RASA2: variants seen among roughly 807,000 people sequenced by gnomAD.
RASA2 encodes the protein RAS p21 protein activator 2, also known as ras GTPase-activating protein 2.
Under a neutral mutation model 118.2 loss-of-function variants are expected in RASA2, and 155 were observed. That is an observed-to-expected ratio of 1.31 (90% confidence interval 1.15 to 1.50). The LOEUF is 1.50. Among genes scored for constraint, RASA2 ranks in the 40% most tolerant of loss-of-function variants. The pLI is 0.00. For synonymous variants in RASA2, 353 were observed against 349.1 expected (o/e 1.01, Z -0.12); for missense variants, 1,016 against 1,009.6 (o/e 1.01, Z -0.09).
At chr3:141,605,960 C>CTGCA (rs1357958966) in intron 19 of RASA2, among the ~76,000 whole-genome samples, 1 of 152,150 alleles carries the variant, frequency 6.6e-6, no homozygotes, top group African/African-American at 2.4e-5. Flanking sequence ...TTGCACTGCT[C>CTGCA]TGCAGCCCAG....
intron 1 of RASA2, among the ~76,000 whole-genome samples, chr3:141,498,575 C>G (rs1047449073): frequency 6.6e-6 from 1 of 152,032 alleles, no homozygotes; most frequent in African/African-American, 2.4e-5. Flanking sequence ...CACATACATA[C>G]ACACACACAG....
At chr3:141,572,843 C>T (rs1260465507) in intron 12 of RASA2, 120 bp downstream of exon 12, 3 of 812,390 alleles carry the variant, frequency 3.7e-6, no homozygotes, top group Non-Finnish European at 3.8e-6. Context: ...ATAGACTGAA[C>T]ACTTTAGAAG....
chr3:141,568,076 C>T (rs1391697458), intron 9 of RASA2, among the ~76,000 whole-genome samples: 1 of 152,088 alleles, frequency 6.6e-6, no homozygotes, highest in Non-Finnish European at 1.5e-5. Flanking sequence ...TTTTAAGTTA[C>T]TTATGGCCTA....
chr3:141,573,632 A>G (rs2082959375), intron 13 of RASA2, among the ~76,000 whole-genome samples: 1 of 152,180 alleles, frequency 6.6e-6, no homozygotes, highest in African/African-American at 2.4e-5. Context: ...TAGTGTCACA[A>G]TGTCCTTGTG....
At chr3:141,574,190 T>C in intron 14 of RASA2, 123 bp downstream of exon 14, 1 of 616,732 alleles carries the variant, frequency 1.6e-6, no homozygotes, top group Non-Finnish European at 2.2e-6. Context: ...TTTTATTTTA[T>C]TTTATTTTAT....
rs201750586 is a variant in RASA2 at position 141,574,074 on chromosome 3, G to T, written c.1483+7G>T. 2.8e-6 allele frequency: 4 copies of T among 1,446,550 alleles called. No homozygotes were observed. The highest frequency in any genetic ancestry group is 4.4e-5 in the Admixed American group (2 of 45,870). The allele number at this position is 1,446,550 out of a possible 1,614,324, so 89.6% of individuals were successfully genotyped here. ...GCTACTCAGAGATTTCCTAGTAAGT[G>T]CCTTGTTTTACTAAAACATGCCATT... is the stretch of plus-strand genomic sequence containing the variant. On this transcript the variant is annotated splice_region_variant and intron_variant, in intron 14 of 23. Transcript: ENST00000286364.
At chr3:141,566,784 G>T (rs1032524249) in intron 9 of RASA2, among the ~76,000 whole-genome samples, 5 of 152,068 alleles carry the variant, frequency 3.3e-5, no homozygotes, top group Non-Finnish European at 7.4e-5. Flanking sequence ...GAATAGAGAA[G>T]ATGGCAGCTT....
chr3:141,580,543 A>G (rs2083095981), intron 16 of RASA2, 92 bp downstream of exon 16: 3 of 945,504 alleles, frequency 3.2e-6, no homozygotes, highest in Admixed American at 5.1e-5. Flanking sequence ...CTTCCAAATT[A>G]AAAACAAAAC....
At chr3:141,495,108 A>G (rs1479818016) in intron 1 of RASA2, among the ~76,000 whole-genome samples, 5 of 152,268 alleles carry the variant, frequency 3.3e-5, no homozygotes, top group African/African-American at 7.2e-5. Flanking sequence ...GGAAATGTGT[A>G]TAACACTGAA....
At chr3:141,589,758 T>C (rs2083260047) in intron 19 of RASA2, among the ~76,000 whole-genome samples, 1 of 152,002 alleles carries the variant, frequency 6.6e-6, no homozygotes, top group Non-Finnish European at 1.5e-5. Flanking sequence ...GGAGAATTGC[T>C]TGAACCTGGG....
intron 19 of RASA2, among the ~76,000 whole-genome samples, chr3:141,592,514 T>A (rs1413103476): frequency 6.6e-6 from 1 of 152,204 alleles, no homozygotes; most frequent in African/African-American, 2.4e-5. Context: ...AGAATAACAT[T>A]GTTTAACTTA....
intron 4 of RASA2, among the ~76,000 whole-genome samples, chr3:141,537,572 C>G (rs1420991607): frequency 1.3e-5 from 2 of 152,084 alleles, no homozygotes; most frequent in Non-Finnish European, 2.9e-5. Flanking sequence ...AGTTCAAGAC[C>G]AGCCTGGCCA....
At chr3:141,506,389 T>C (rs2081867249) in intron 1 of RASA2, among the ~76,000 whole-genome samples, 1 of 152,236 alleles carries the variant, frequency 6.6e-6, no homozygotes, top group Non-Finnish European at 1.5e-5. Context: ...ATGCACAGAA[T>C]TTTTGAAATG....
intron 15 of RASA2, among the ~76,000 whole-genome samples, chr3:141,577,975 T>C (rs1209413135): frequency 6.6e-6 from 1 of 152,206 alleles, no homozygotes; most frequent in Non-Finnish European, 1.5e-5. Flanking sequence ...GTTGATTCTT[T>C]AAGCTTTTAT....
chr3:141,539,446 A>G (rs2082374817), intron 4 of RASA2, among the ~76,000 whole-genome samples: 1 of 152,090 alleles, frequency 6.6e-6, no homozygotes, highest in African/African-American at 2.4e-5. Flanking sequence ...TACCTGGTGG[A>G]CCTCAGATTC....
chr3:141,519,960 G>A (rs2082086050), intron 3 of RASA2, among the ~76,000 whole-genome samples: 1 of 150,472 alleles, frequency 6.6e-6, no homozygotes, highest in Non-Finnish European at 1.5e-5. Flanking sequence ...GAATAACAGA[G>A]ACTACATAGG....
chr3:141,589,563 C>T (rs2083256275), intron 19 of RASA2, among the ~76,000 whole-genome samples: 1 of 152,122 alleles, frequency 6.6e-6, no homozygotes, highest in Non-Finnish European at 1.5e-5. Flanking sequence ...TCTGTTCTGG[C>T]CGGGCGCGGT....
At chr3:141,504,876 C>T (rs1390148747) in intron 1 of RASA2, among the ~76,000 whole-genome samples, 1 of 152,156 alleles carries the variant, frequency 6.6e-6, no homozygotes, top group Non-Finnish European at 1.5e-5. Flanking sequence ...TACTGCCCTC[C>T]TTGCCACTCC....
intron 1 of RASA2, among the ~76,000 whole-genome samples, chr3:141,499,680 A>G (rs921376587): frequency 1.3e-5 from 2 of 151,882 alleles, no homozygotes; most frequent in African/African-American, 4.8e-5. Flanking sequence ...GCTCACTGCA[A>G]CCTCCACCTC....
Sources: gnomAD v4.1 joint callset for allele counts (sites outside exome capture counted in the v4.1 genomes callset) on GRCh38, gnomAD v4.1.1 for gene constraint, MANE v1.5 for transcripts, NCBI Gene and HGNC (gene_info 2026-07-23, HGNC 2026-07-21) for gene names.